The following MGLL variants were observed in gnomAD, a reference collection of about 807,000 sequenced individuals.
MGLL encodes lysophospholipase homolog.
MGLL carries 7 observed loss-of-function variants against 29.1 expected under a neutral mutation model. The ratio of observed to expected loss-of-function variants is 0.24; its 90% CI spans 0.14 to 0.45. The LOEUF (loss-of-function observed/expected upper bound fraction) is 0.45, where lower values mean the gene tolerates loss of function less well. MGLL is among the 20% of genes least tolerant of loss of function. The pLI, the probability that MGLL is intolerant of heterozygous loss-of-function variation, is 0.99. For synonymous variants in MGLL, 148 were observed against 168.3 expected (o/e 0.88, Z 0.93); for missense variants, 356 against 413.6 (o/e 0.86, Z 1.21).
chr3:127,811,553 C>G (rs1281002703), intron 2 of MGLL, among the ~76,000 whole-genome samples: 1 of 152,240 alleles, frequency 6.6e-6, no homozygotes, highest in African/African-American at 2.4e-5. Context: ...AAAATATTCT[C>G]TCCTCCATCC....
intron 2 of MGLL, among the ~76,000 whole-genome samples, chr3:127,793,782 AACCTCCTG>A (rs2077339672): frequency 6.6e-6 from 1 of 151,942 alleles, no homozygotes; most frequent in African/African-American, 2.4e-5. Flanking sequence ...GGCTGGTCTC[AACCTCCTG>A]ACCTCAGGTG....
intron 2 of MGLL, among the ~76,000 whole-genome samples, chr3:127,789,307 G>A (rs2107719880): frequency 6.6e-6 from 1 of 152,330 alleles, no homozygotes; most frequent in East Asian, 1.9e-4. Context: ...GATGTGAAAA[G>A]GCCCGGGACC....
At chr3:127,753,644 C>A (rs1006175467) in intron 3 of MGLL, among the ~76,000 whole-genome samples, 2 of 152,246 alleles carry the variant, frequency 1.3e-5, no homozygotes, top group East Asian at 1.9e-4. Context: ...TGTGCACAGA[C>A]AGCATAACCT....
rs150696474 is a variant in MGLL, at chr3:127,692,928, C to T, written c.817-605G>A. On this transcript the variant is annotated intron_variant, in intron 7 of 7. Coordinates refer to ENST00000265052, the MANE Select transcript of MGLL (RefSeq NM_007283.7). Reference sequence around the variant, plus strand: ...CTGGCCTCTGCAGGCGGCTGGACTACGGGCTTGGCTGTGCCCTCCTTCACT... The same window carrying T: ...CTGGCCTCTGCAGGCGGCTGGACTATGGGCTTGGCTGTGCCCTCCTTCACT... Among the ~76,000 whole-genome samples, 145 of 152,354 alleles carry T rather than the reference C, an allele frequency of 9.5e-4. 1 individual carries two copies. In the Middle Eastern group the frequency reaches 0.017, roughly 18 times the overall value.
chr3:127,744,558 A>T (rs1264977007), intron 3 of MGLL, among the ~76,000 whole-genome samples: 1 of 152,254 alleles, frequency 6.6e-6, no homozygotes, highest in African/African-American at 2.4e-5. Context: ...AGTTGCATAT[A>T]CAGAAAGTGC....
chr3:127,810,608 G>C (rs1281856096), intron 2 of MGLL, among the ~76,000 whole-genome samples: 1 of 152,172 alleles, frequency 6.6e-6, no homozygotes, highest in African/African-American at 2.4e-5. Context: ...CCTGACAAAT[G>C]CATGGAGATG....
intron 5 of MGLL, chr3:127,715,952 C>T (rs7355992): frequency 8.2e-4 from 330 of 400,586 alleles, no homozygotes; most frequent in African/African-American, 6.2e-3. Context: ...TTGAGAGAGC[C>T]TTGGATCCAG....
intron 3 of MGLL, among the ~76,000 whole-genome samples, chr3:127,759,085 C>G (rs754089927): frequency 1.3e-5 from 2 of 152,020 alleles, no homozygotes; most frequent in African/African-American, 2.4e-5. Context: ...TGCCACCAAG[C>G]CTGGCTAATT....
At chr3:127,702,080 CTG>C (rs1315662236) in intron 6 of MGLL, among the ~76,000 whole-genome samples, 1 of 152,214 alleles carries the variant, frequency 6.6e-6, no homozygotes, top group Non-Finnish European at 1.5e-5. Context: ...AAGGGCAAGA[CTG>C]AGTGTGGCTT....
chr3:127,787,504 C>T (rs1463007856), intron 2 of MGLL, among the ~76,000 whole-genome samples: 1 of 152,220 alleles, frequency 6.6e-6, no homozygotes, highest in Non-Finnish European at 1.5e-5. Flanking sequence ...GAACGGAATG[C>T]CCAGCTGAAG....
rs1197215195 is a variant in MGLL at position 127,710,586 on chromosome 3, T to C, written c.590A>G (p.Asn197Ser). 5 of 1,560,918 alleles carry C rather than the reference T, an allele frequency of 3.2e-6. No individual in the cohort carries two copies. The Admixed American group carries it at 5.7e-5, about 18-fold the overall frequency. ...GPIDSSVLSR[N>S]KTEVDIYNSD... ...CGGAAAGCCTCTCACCTCTGTCTTA[T>C]TCCGAGAGAGCACGCTGGAGTCGAT... Residue 197 changes from asparagine to serine, a missense_variant, in exon 6 of 8, where the codon AAT becomes AGT. Transcript: ENST00000265052.
At chr3:127,764,062 A>G (rs2076813848) in intron 3 of MGLL, among the ~76,000 whole-genome samples, 1 of 152,150 alleles carries the variant, frequency 6.6e-6, no homozygotes, top group African/African-American at 2.4e-5. Flanking sequence ...CCCAATGCCC[A>G]TCACATGGCC....
At chr3:127,749,292 C>T (rs79319755) in intron 3 of MGLL, among the ~76,000 whole-genome samples, 3,424 of 152,282 alleles carry the variant, frequency 0.022, 141 homozygotes, top group African/African-American at 0.077. Context: ...GGAACCTCCC[C>T]ATTACTCTGA....
At chr3:127,728,135 G>A (rs899287643) in intron 3 of MGLL, among the ~76,000 whole-genome samples, 5 of 152,090 alleles carry the variant, frequency 3.3e-5, no homozygotes, top group African/African-American at 7.2e-5. Context: ...ATATGAAAAC[G>A]TGTACTTGAC....
At chr3:127,705,776 CAAAAA>C (rs36125403) in intron 6 of MGLL, among the ~76,000 whole-genome samples, 1 of 112,478 alleles carries the variant, frequency 8.9e-6, no homozygotes, top group South Asian at 2.9e-4. Flanking sequence ...AACTCCATCT[CAAAAA>C]AAAAAAAAAA....
intron 7 of MGLL, among the ~76,000 whole-genome samples, chr3:127,694,423 GTA>G (rs146379810): frequency 3.3e-5 from 5 of 150,350 alleles, no homozygotes; most frequent in Admixed American, 1.3e-4. Context: ...ATGTGTGTGT[GTA>G]TATATATATA....
chr3:127,781,978 T>C, intron 2 of MGLL, 83 bp from the exon 3 acceptor site: 6 of 1,338,300 alleles, frequency 4.5e-6, no homozygotes, highest in Non-Finnish European at 6.4e-6. Flanking sequence ...TCCAGCACTT[T>C]GGGAGGCCGG....
chr3:127,702,733 C>T (rs910430920), intron 6 of MGLL, among the ~76,000 whole-genome samples: 3 of 152,174 alleles, frequency 2.0e-5, no homozygotes, highest in African/African-American at 7.2e-5. Context: ...TCGCTCTTGT[C>T]GCCCAGGCTG....
Position 127,715,697 on chromosome 3 carries a change from C to T in MGLL, c.511-5032G>A, listed in dbSNP as rs749187108. 1.8e-5 allele frequency: 8 copies of T among 456,650 alleles called. No individual in the cohort carries two copies. In the East Asian group the frequency reaches 2.1e-4, roughly 12 times the overall value. 28.3% of individuals were successfully genotyped at this position (456,650 alleles called of 1,614,324 possible). On this transcript the variant is annotated intron_variant, in intron 5 of 7. Coordinates refer to ENST00000265052, the MANE Select transcript of MGLL (RefSeq NM_007283.7). Reference sequence around the variant, plus strand: ...AGCAGGGGCCATTGAGGCGGCATGACGAGGAAGCAGTGGGGAAGGAAGGAG... The same window carrying T: ...AGCAGGGGCCATTGAGGCGGCATGATGAGGAAGCAGTGGGGAAGGAAGGAG...
Sources: gnomAD v4.1 joint callset for allele counts (sites outside exome capture counted in the v4.1 genomes callset) on GRCh38, gnomAD v4.1.1 for gene constraint, MANE v1.5 for transcripts, NCBI Gene and HGNC (gene_info 2026-07-23, HGNC 2026-07-21) for gene names.